Variants in OTOP1 observed in about 807,000 individuals in gnomAD.
The protein encoded by OTOP1 is proton channel OTOP1.
Under a neutral mutation model 52.9 loss-of-function variants are expected in OTOP1, and 59 were observed. That is an observed-to-expected ratio of 1.12 (90% CI 0.91 to 1.39). The LOEUF is 1.39. Among genes scored for constraint, OTOP1 ranks in the 40% most tolerant of loss-of-function variants. The pLI, the probability that OTOP1 is intolerant of heterozygous loss-of-function variation, is 0.00. For synonymous variants in OTOP1, 317 were observed against 337.7 expected (o/e 0.94, Z 0.67); for missense variants, 761 against 800.9 (o/e 0.95, Z 0.60).
At chr4:4,215,292 G>A (rs1717116329) in intron 1 of OTOP1, among the ~76,000 whole-genome samples, 1 of 152,090 alleles carries the variant, frequency 6.6e-6, no homozygotes, top group Non-Finnish European at 1.5e-5. Flanking sequence ...TTTTCAAAAA[G>A]GAGCAATTTA....
Position 4,198,028 on chromosome 4 carries a change from T to A in OTOP1, c.806A>T (p.Tyr269Phe), listed in dbSNP as rs1334865474. The A allele has an allele frequency of 1.2e-6, 2 of 1,613,874 alleles. No homozygotes were observed. Among genetic ancestry groups the A allele is most frequent in the Non-Finnish European group, 1.7e-6 (2 of 1,179,940 alleles). ...LCTAISHGIY[Y>F]LYPFNIEYQI... is the part of the protein sequence containing the mutation. ...ATACTCTATGTTGAAGGGGTAGAGG[T>A]AGTAGATCCCGTGGGAGATGGCAGT... The change falls in exon 5 of 6, where the codon TAC becomes TTC. Residue 269 changes from tyrosine (Y) to phenylalanine (F), a missense_variant. Around this residue, in one of 3 missense-constraint regions of OTOP1, gnomAD observed 632 missense variants for 619.5 expected, o/e 1.02. Transcript: ENST00000296358.
intron 2 of OTOP1, among the ~76,000 whole-genome samples, chr4:4,207,434 A>G (rs1184742998): frequency 6.6e-6 from 1 of 152,228 alleles, no homozygotes; most frequent in Non-Finnish European, 1.5e-5. Flanking sequence ...GAGGAAATAC[A>G]TAAAAACAAT....
At chr4:4,199,233 T>TGTGAGAGA (rs1212354837) in intron 4 of OTOP1, among the ~76,000 whole-genome samples, 10 of 98,498 alleles carry the variant, frequency 1.0e-4, no homozygotes, top group African/African-American at 4.0e-4. Context: ...TGTGTGTGTG[T>TGTGAGAGA]GAGAGAGAGA....
At chr4:4,198,918 C>T (rs112608592) in intron 4 of OTOP1, among the ~76,000 whole-genome samples, 12 of 152,346 alleles carry the variant, frequency 7.9e-5, no homozygotes, top group Admixed American at 3.9e-4. Flanking sequence ...AGGCCAGGAG[C>T]GGTGACTCAG....
At chr4:4,211,633 T>C (rs986239097) in intron 2 of OTOP1, among the ~76,000 whole-genome samples, 1 of 152,168 alleles carries the variant, frequency 6.6e-6, no homozygotes, top group African/African-American at 2.4e-5. Context: ...GGCATGGTGA[T>C]GTGGGCCTGT....
intron 5 of OTOP1, among the ~76,000 whole-genome samples, chr4:4,190,760 C>T (rs1026951359): frequency 2.6e-5 from 4 of 152,164 alleles, no homozygotes; most frequent in Non-Finnish European, 5.9e-5. Flanking sequence ...CTCTCTTTTA[C>T]TTTGCTTACT....
At chr4:4,198,750 G>T (rs1051727691) in intron 4 of OTOP1, among the ~76,000 whole-genome samples, 2 of 152,082 alleles carry the variant, frequency 1.3e-5, no homozygotes, top group East Asian at 3.9e-4. Flanking sequence ...GGTATGGAGG[G>T]CCTTCTCATC....
chr4:4,218,578 G>C (rs1167965123), intron 1 of OTOP1, among the ~76,000 whole-genome samples: 1 of 152,060 alleles, frequency 6.6e-6, no homozygotes, highest in Non-Finnish European at 1.5e-5. Context: ...TCTTGGAGTG[G>C]GACACAGTGT....
chr4:4,207,076 GT>G (rs1483410489), intron 2 of OTOP1, among the ~76,000 whole-genome samples: 1 of 152,136 alleles, frequency 6.6e-6, no homozygotes, highest in East Asian at 1.9e-4. Flanking sequence ...AAATCAGAGA[GT>G]AAAAAATAAA....
chr4:4,204,044 G>A (rs1204795062), intron 3 of OTOP1, among the ~76,000 whole-genome samples: 9 of 152,276 alleles, frequency 5.9e-5, no homozygotes, highest in South Asian at 2.1e-4. Context: ...GAGAACCCTC[G>A]TCCATGATCT....
chr4:4,217,028 T>C (rs371392766), intron 1 of OTOP1, among the ~76,000 whole-genome samples: 1 of 152,370 alleles, frequency 6.6e-6, no homozygotes, highest in East Asian at 1.9e-4. Flanking sequence ...CTGCCACTGT[T>C]GATCTAGGCC....
At chr4:4,200,723 CTTTT>C (rs55863617) in intron 4 of OTOP1, among the ~76,000 whole-genome samples, 1 of 106,516 alleles carries the variant, frequency 9.4e-6, no homozygotes. Context: ...GCATGCCTGC[CTTTT>C]TTTTTTTTTT....
intron 5 of OTOP1, among the ~76,000 whole-genome samples, chr4:4,194,599 AG>A (rs1384349440): frequency 6.6e-6 from 1 of 152,236 alleles, no homozygotes; most frequent in Non-Finnish European, 1.5e-5. Flanking sequence ...TTGCGTTCTT[AG>A]GGTGATATCA....
intron 2 of OTOP1, among the ~76,000 whole-genome samples, chr4:4,212,147 T>C (rs1717040004): frequency 6.6e-6 from 1 of 152,216 alleles, no homozygotes; most frequent in Admixed American, 6.5e-5. Context: ...GTTCAGATCC[T>C]GACTCTGATA....
chr4:4,220,925 T>A (rs987340950), intron 1 of OTOP1, among the ~76,000 whole-genome samples: 1 of 152,186 alleles, frequency 6.6e-6, no homozygotes, highest in Non-Finnish European at 1.5e-5. Context: ...CAATGCATCA[T>A]GACCGGCAGC....
intron 1 of OTOP1, among the ~76,000 whole-genome samples, chr4:4,218,122 T>C (rs1717188292): frequency 6.6e-6 from 1 of 152,156 alleles, no homozygotes; most frequent in Non-Finnish European, 1.5e-5. Flanking sequence ...CCAAGCACAG[T>C]GGCTCATACC....
At chr4:4,202,789 C>T (rs928158136) in intron 3 of OTOP1, among the ~76,000 whole-genome samples, 33 of 152,210 alleles carry the variant, frequency 2.2e-4, no homozygotes, top group African/African-American at 7.2e-4. Flanking sequence ...GGCATTCAGC[C>T]GTAGTCTTGA....
At chr4:4,216,809 C>A (rs554843866) in intron 1 of OTOP1, among the ~76,000 whole-genome samples, 1 of 152,226 alleles carries the variant, frequency 6.6e-6, no homozygotes, top group Non-Finnish European at 1.5e-5. Context: ...TCACAGAATA[C>A]ATGAGTCACT....
At chr4:4,225,262 G>A (rs531695992) in intron 1 of OTOP1, among the ~76,000 whole-genome samples, 5 of 152,130 alleles carry the variant, frequency 3.3e-5, no homozygotes, top group Non-Finnish European at 7.4e-5. Context: ...CACCATGTCT[G>A]TCTCCCATTC....
Sources: gnomAD v4.1 joint callset for allele counts (sites outside exome capture counted in the v4.1 genomes callset) on GRCh38, gnomAD v4.1.1 for gene constraint, gnomAD v4.1.1 regional missense constraint, MANE v1.5 for transcripts, NCBI Gene and HGNC (gene_info 2026-07-23, HGNC 2026-07-21) for gene names.